Variants in SMAP2 observed in about 807,000 individuals in gnomAD.
SMAP2 encodes stromal membrane-associated protein 2.
A neutral mutation model predicts 56.4 loss-of-function variants in SMAP2; 25 were observed. The observed-to-expected ratio is 0.44, with a 90% CI of 0.32 to 0.62. The LOEUF (loss-of-function observed/expected upper bound fraction) is 0.62. SMAP2 is among the 20% of genes least tolerant of loss of function. The pLI is 0.04. For synonymous variants in SMAP2, 157 were observed against 181.7 expected (o/e 0.86, Z 1.09); for missense variants, 388 against 545.6 (o/e 0.71, Z 2.88).
At chr1:40,413,161 A>T in intron 5 of SMAP2, 59 bp downstream of exon 5, 1 of 1,336,892 alleles carries the variant, frequency 7.5e-7, no homozygotes, top group Non-Finnish European at 1.1e-6. Context: ...TATTTGTGAA[A>T]GGGAAAGTAG....
chr1:40,357,485 A>AAG (rs1644441443), intron 1 of SMAP2, among the ~76,000 whole-genome samples: 1 of 151,962 alleles, frequency 6.6e-6, no homozygotes, highest in Non-Finnish European at 1.5e-5. Context: ...AAAAAAAAAA[A>AAG]AGAAGGAAAT....
At chr1:40,375,826 A>C (rs1378493048) in intron 1 of SMAP2, 156 of 817,874 alleles carry the variant, frequency 1.9e-4, no homozygotes, top group Admixed American at 1.6e-3. Context: ...GGTGACTAGA[A>C]CCCCCCCCCC....
rs532024243 is a variant in SMAP2, at chr1:40,408,185, G to A, written c.238-468G>A. On this transcript the variant is annotated intron_variant, in intron 2 of 9. Transcript: ENST00000372718. The surrounding 1 kb of genome is among the most constrained non-coding windows in gnomAD (Gnocchi z 4.3). Reference sequence around the variant, plus strand: ...GAAATTATATGCCATGGAGATAGTCGGGAATTTGGAGATTTAAAAAGCTCT... The same window carrying A: ...GAAATTATATGCCATGGAGATAGTCAGGAATTTGGAGATTTAAAAAGCTCT... 3.9e-5 allele frequency among the ~76,000 whole-genome samples: 6 copies of A among 152,132 alleles called. No homozygotes were observed. The highest frequency in any genetic ancestry group is 6.5e-5 in the Admixed American group (1 of 15,276).
At position 40,401,705 on chromosome 1, in the gene SMAP2, A is replaced by T. The variant is rs112134415; in HGVS notation, c.104-5031A>T. ...TTGCAGCAGTAGTTACTCCGTATGT[A>T]GAAGCTGTCCAGATGTTGAATATAA... On this transcript the variant is annotated intron_variant, in intron 1 of 9. Coordinates refer to ENST00000372718, the MANE Select transcript of SMAP2 (RefSeq NM_022733.3). 9.8e-5 allele frequency among the ~76,000 whole-genome samples: 15 copies of T among 152,338 alleles called. 1 individual carries two copies. The highest frequency in any genetic ancestry group is 3.6e-4 in the African/African-American group (15 of 41,574).
intron 1 of SMAP2, among the ~76,000 whole-genome samples, chr1:40,361,204 C>T (rs995732577): frequency 5.3e-5 from 8 of 152,132 alleles, no homozygotes; most frequent in African/African-American, 1.9e-4. Context: ...TATTCCAGGT[C>T]CTAGGTTTTG....
chr1:40,385,013 G>A lies in SMAP2; in HGVS notation c.103+10790G>A, dbSNP rs184516029. Among the ~76,000 whole-genome samples, 72 of 152,128 alleles carry A rather than the reference G, an allele frequency of 4.7e-4. No homozygotes were observed. The highest frequency in any genetic ancestry group is 1.9e-4 in the African/African-American group (8 of 41,484). The stretch of plus-strand genomic sequence containing the variant: ...TTTCCCCACAGGCTTTGTGAATGCC[G>A]GTCCACTGATGGCTGAACTGCAGGT... On this transcript the variant is annotated intron_variant, in intron 1 of 9. Coordinates refer to ENST00000372718, the MANE Select transcript of SMAP2 (RefSeq NM_022733.3). This position sits in a 1 kb window ranked among gnomAD's most constrained non-coding sequence, Gnocchi z 4.5.
At chr1:40,371,047 C>A (rs1022498366), upstream of SMAP2, among the ~76,000 whole-genome samples, 6 of 152,002 alleles carry the variant, frequency 3.9e-5, no homozygotes, top group African/African-American at 1.4e-4. Context: ...GTGGCACGTG[C>A]CTGTAGTCCT....
At chr1:40,406,599 CAG>C in intron 1 of SMAP2, 135 bp from the exon 2 acceptor site, 1 of 861,462 alleles carries the variant, frequency 1.2e-6, no homozygotes, top group Non-Finnish European at 1.7e-6. Context: ...GAGGAATGAG[CAG>C]AGTCAATAAA....
chr1:40,371,354 C>T (rs1446438328), upstream of SMAP2, among the ~76,000 whole-genome samples: 1 of 152,060 alleles, frequency 6.6e-6, no homozygotes, highest in Non-Finnish European at 1.5e-5. Context: ...GGGCTATGCA[C>T]TCACTTTACT....
In SMAP2 at chr1:40,374,925, A is replaced by G. The variant is rs1644528247; in HGVS notation, c.103+702A>G. ...TATGAGTGGTGGCAGAAACTAGCCG[A>G]TTATGCCTGTAGTGCAGGATCCGTT... is the stretch of plus-strand genomic sequence containing the variant. On this transcript the variant is annotated intron_variant, in intron 1 of 9. Coordinates refer to ENST00000372718, the MANE Select transcript of SMAP2 (RefSeq NM_022733.3). This position sits in a 1 kb window ranked among gnomAD's most constrained non-coding sequence, Gnocchi z 5.9. The G allele has an allele frequency of 1.0e-6, 1 of 985,408 alleles. No homozygotes were observed. 61.0% of individuals were successfully genotyped at this position (985,408 alleles called of 1,614,324 possible).
rs1195736997 is a variant in SMAP2, at chr1:40,408,044, TTA to T, written c.238-608_238-607del. Among the ~76,000 whole-genome samples, 1 of 150,502 alleles carries T rather than the reference TTA, an allele frequency of 6.6e-6. No individual in the cohort carries two copies. Among genetic ancestry groups the T allele is most frequent in the Non-Finnish European group, 1.5e-5 (1 of 67,678 alleles). ...TAAAGTTGGTAATGGAAATCAGAGGTTACGCTTAACCAGAAAATGGCTTTAGA... is the reference window on the plus strand; with the variant it reads ...TAAAGTTGGTAATGGAAATCAGAGGTCGCTTAACCAGAAAATGGCTTTAGA... On this transcript the variant is annotated intron_variant, in intron 2 of 9. Coordinates refer to ENST00000372718, the MANE Select transcript of SMAP2 (RefSeq NM_022733.3). The surrounding 1 kb of genome is among the most constrained non-coding windows in gnomAD (Gnocchi z 4.3).
intron 1 of SMAP2, among the ~76,000 whole-genome samples, chr1:40,357,638 AC>A (rs1303489698): frequency 1.3e-5 from 2 of 152,158 alleles, no homozygotes; most frequent in African/African-American, 4.8e-5. Flanking sequence ...TCATTCTTCT[AC>A]ATATAGGTAT....
chr1:40,390,974 GA>G (rs142652810), intron 1 of SMAP2, among the ~76,000 whole-genome samples: 2,809 of 152,328 alleles, frequency 0.018, 76 homozygotes, highest in East Asian at 0.087. Context: ...TCTAGAGCAG[GA>G]TTTCTCAACC....
intron 9 of SMAP2, 100 bp downstream of exon 9, chr1:40,417,196 A>T: frequency 2.9e-6 from 2 of 688,814 alleles, no homozygotes; most frequent in Non-Finnish European, 4.8e-6. Flanking sequence ...TTCCATGTAG[A>T]TGAGATAATG....
intron 1 of SMAP2, among the ~76,000 whole-genome samples, chr1:40,397,495 G>A (rs545625978): frequency 3.3e-5 from 5 of 152,206 alleles, no homozygotes; most frequent in African/African-American, 4.8e-5. Context: ...AACCTAATCC[G>A]TTTTCTGTGT....
At chr1:40,412,527 T>C (rs563202155) in intron 4 of SMAP2, among the ~76,000 whole-genome samples, 1 of 152,222 alleles carries the variant, frequency 6.6e-6, no homozygotes, top group African/African-American at 2.4e-5. Flanking sequence ...GTTCTTCTAA[T>C]CTGTAAACTT....
At position 40,408,586 on chromosome 1, in the gene SMAP2, G is replaced by T. The variant is rs2124345621; in HGVS notation, c.238-67G>T. ...TCTTCAATTGTACAGTAGTGGAATT[G>T]GGTGAGAAGTTTTTCAGTTCTTTCT... On this transcript the variant is annotated intron_variant, in intron 2 of 9. Transcript: ENST00000372718. The surrounding 1 kb of genome is among the most constrained non-coding windows in gnomAD (Gnocchi z 4.3). 1 of 1,354,438 alleles carries T rather than the reference G, an allele frequency of 7.4e-7. No homozygotes were observed. Among genetic ancestry groups the T allele is most frequent in the Non-Finnish European group, 1.1e-6 (1 of 947,436 alleles). 83.9% of individuals were successfully genotyped at this position (1,354,438 alleles called of 1,614,324 possible). A position where few individuals can be genotyped will look rare whatever the true frequency, so the allele number is the denominator to read the frequency against.
Position 40,406,771 on chromosome 1 carries a change from A to G in SMAP2, c.139A>G (p.Ile47Val). Residue 47 changes from isoleucine (I) to valine (V), a missense_variant, in exon 2 of 10, where the codon ATC becomes GTC. Physicochemically the swap from Ile to Val is conservative, Grantham distance 29. Transcript: ENST00000372718. ...RWASWNIGVFICIRCAGIHRN... is the reference protein window; with the variant it reads ...RWASWNIGVFVCIRCAGIHRN... ...GGCCTCTTGGAACATTGGTGTGTTC[A>G]TCTGCATTCGATGTGCTGGAATCCA... The G allele has an allele frequency of 6.2e-7, 1 of 1,614,088 alleles. No individual in the cohort carries two copies. Among genetic ancestry groups the G allele is most frequent in the East Asian group, 2.2e-5 (1 of 44,874 alleles).
intron 1 of SMAP2, among the ~76,000 whole-genome samples, chr1:40,346,207 C>T (rs904489148): frequency 1.3e-5 from 2 of 151,478 alleles, no homozygotes; most frequent in Non-Finnish European, 2.9e-5. Flanking sequence ...AATTGGTTTC[C>T]CTGCTCTCAC....
Sources: gnomAD v4.1 joint callset for allele counts (sites outside exome capture counted in the v4.1 genomes callset) on GRCh38, gnomAD v4.1.1 for gene constraint, Gnocchi (gnomAD v3.1) non-coding constraint, MANE v1.5 for transcripts, NCBI Gene and HGNC (gene_info 2026-07-23, HGNC 2026-07-21) for gene names.